The following SEMA5A variants were observed in gnomAD, a reference collection of about 807,000 sequenced individuals.
The protein encoded by SEMA5A is semaphorin 5A, also known as semaphorin-5A.
In SEMA5A, 55 loss-of-function variants were observed where a neutral mutation model predicts 135.5. The observed-to-expected ratio is 0.41, with a 90% confidence interval of 0.33 to 0.51. The LOEUF (loss-of-function observed/expected upper bound fraction) is 0.51, where lower values mean the gene tolerates loss of function less well. SEMA5A is among the 20% of genes least tolerant of loss of function. The probability of loss-of-function intolerance (pLI) is 0.37; values close to 1 mark genes in which losing one functional copy is unlikely to be tolerated. For missense variants in SEMA5A, 1,290 were observed against 1,419.9 expected, an observed-to-expected ratio of 0.91 and a Z score of 1.47; for synonymous variants, 580 against 546.5, an observed-to-expected ratio of 1.06 and a Z score of -0.85.
At chr5:9,184,408 GTA>G (rs1202141769) in intron 11 of SEMA5A, among the ~76,000 whole-genome samples, 4 of 152,024 alleles carry the variant, frequency 2.6e-5, no homozygotes, top group Non-Finnish European at 5.9e-5. Context: ...TTATTGCAGG[GTA>G]ATTTTCTCCA....
chr5:9,315,210 T>A (rs1235709425), intron 5 of SEMA5A, among the ~76,000 whole-genome samples: 10 of 152,180 alleles, frequency 6.6e-5, no homozygotes, highest in African/African-American at 2.2e-4. Flanking sequence ...CTGTTAACAC[T>A]GTATCATATT....
intron 21 of SEMA5A, among the ~76,000 whole-genome samples, chr5:9,046,745 C>T (rs565461198): frequency 6.6e-6 from 1 of 152,294 alleles, no homozygotes; most frequent in East Asian, 1.9e-4. Flanking sequence ...ACAATGTGTT[C>T]CAGGAACCCA....
At chr5:9,487,749 A>G (rs1734804411) in intron 1 of SEMA5A, among the ~76,000 whole-genome samples, 1 of 152,124 alleles carries the variant, frequency 6.6e-6, no homozygotes, top group Non-Finnish European at 1.5e-5. Context: ...TCTTGTCCAT[A>G]TGGTTGCCAC....
intron 1 of SEMA5A, among the ~76,000 whole-genome samples, chr5:9,475,506 T>C (rs1759637832): frequency 6.6e-6 from 1 of 152,228 alleles, no homozygotes; most frequent in South Asian, 2.1e-4. Flanking sequence ...GAATGTTTAA[T>C]GAAAAGGCAG....
chr5:9,125,334 T>C (rs1446913291), intron 13 of SEMA5A, among the ~76,000 whole-genome samples: 1 of 152,228 alleles, frequency 6.6e-6, no homozygotes, highest in Non-Finnish European at 1.5e-5. Flanking sequence ...TCTTTTCTTT[T>C]TGTAAATTTT....
chr5:9,338,656 T>C (rs936461274), intron 3 of SEMA5A, among the ~76,000 whole-genome samples: 5 of 152,154 alleles, frequency 3.3e-5, no homozygotes, highest in African/African-American at 1.2e-4. Context: ...CTGATTGTCG[T>C]TTTTTCTTGG....
intron 16 of SEMA5A, among the ~76,000 whole-genome samples, chr5:9,099,855 A>G (rs921430355): frequency 1.3e-5 from 2 of 152,050 alleles, no homozygotes; most frequent in Non-Finnish European, 2.9e-5. Flanking sequence ...CTCCTCCCTG[A>G]CCTAGCTACT....
At chr5:9,091,576 G>T (rs964932680) in intron 16 of SEMA5A, among the ~76,000 whole-genome samples, 1 of 152,166 alleles carries the variant, frequency 6.6e-6, no homozygotes, top group South Asian at 2.1e-4. Context: ...ATCACAATGG[G>T]TCGGAATTAT....
chr5:9,304,283 A>G (rs1454385707), intron 5 of SEMA5A, among the ~76,000 whole-genome samples: 1 of 152,100 alleles, frequency 6.6e-6, no homozygotes, highest in African/African-American at 2.4e-5. Flanking sequence ...ATTTGTGTAA[A>G]AAAATCTACT....
chr5:9,403,771 A>G (rs972307732), intron 2 of SEMA5A, among the ~76,000 whole-genome samples: 5 of 152,172 alleles, frequency 3.3e-5, no homozygotes, highest in African/African-American at 1.2e-4. Flanking sequence ...TTAAAATAGG[A>G]GGGAACGAGA....
In SEMA5A at chr5:9,188,009, T is replaced by C. The variant is rs571026268; in HGVS notation, c.1273+2258A>G. ...TGGTAAAAGAAGTTGCTTGTAGCTA[T>C]GGACTGAATGTTTGTGTCCCCCCAG... is the stretch of plus-strand genomic sequence containing the variant. On this transcript the variant is annotated intron_variant, in intron 11 of 22. Transcript: ENST00000382496. Among the ~76,000 whole-genome samples the C allele has an allele frequency of 2.0e-5, 3 of 152,336 alleles. No homozygotes were observed. The South Asian group carries it at 6.2e-4, about 32-fold the overall frequency.
intron 13 of SEMA5A, among the ~76,000 whole-genome samples, chr5:9,136,274 G>C (rs1560950679): frequency 6.6e-6 from 1 of 152,124 alleles, no homozygotes; most frequent in Non-Finnish European, 1.5e-5. Flanking sequence ...AATCAACACA[G>C]TTTTCTGTGA....
rs1430624406 is a variant in SEMA5A, at chr5:9,229,783, CA to C, written c.334-2817del. On this transcript the variant is annotated intron_variant, in intron 6 of 22. Transcript: ENST00000382496. ...CAAGGTAAACCACAAACAACATGGG[CA>C]AGGGTAATTTGTTCCAGGAGAATCA... 2.7e-5 allele frequency among the ~76,000 whole-genome samples: 4 copies of C among 149,200 alleles called. No individual in the cohort carries two copies. In the East Asian group the frequency reaches 7.9e-4, roughly 30 times the overall value.
intron 5 of SEMA5A, among the ~76,000 whole-genome samples, chr5:9,269,768 G>A (rs1253690357): frequency 2.0e-5 from 3 of 152,058 alleles, no homozygotes; most frequent in East Asian, 1.9e-4. Context: ...TACATAGTAT[G>A]AAATGTAATA....
At chr5:9,064,441 C>T (rs79014897) in intron 17 of SEMA5A, among the ~76,000 whole-genome samples, 2 of 152,160 alleles carry the variant, frequency 1.3e-5, no homozygotes, top group Non-Finnish European at 2.9e-5. Context: ...GGCACATATA[C>T]ACCATGGAAT....
intron 2 of SEMA5A, among the ~76,000 whole-genome samples, chr5:9,406,786 C>T (rs140029219): frequency 6.4e-4 from 98 of 152,160 alleles, no homozygotes; most frequent in African/African-American, 2.0e-3. Flanking sequence ...AGAGAATGTA[C>T]GGAAATGATA....
At chr5:9,447,389 T>C (rs268525) in intron 1 of SEMA5A, among the ~76,000 whole-genome samples, 144,929 of 152,318 alleles carry the variant, frequency 0.95, 69,081 homozygotes, top group African/African-American at 0.99. Context: ...CTAGTGAATG[T>C]TCTGGAGTCA....
chr5:9,195,140 C>T (rs1745318278), intron 10 of SEMA5A, among the ~76,000 whole-genome samples: 1 of 152,170 alleles, frequency 6.6e-6, no homozygotes, highest in Admixed American at 6.5e-5. Context: ...ATTTACACAA[C>T]ATTTGATATG....
intron 18 of SEMA5A, among the ~76,000 whole-genome samples, chr5:9,055,343 T>C (rs79109580): frequency 7.2e-4 from 109 of 152,328 alleles, no homozygotes; most frequent in Middle Eastern, 3.4e-3. Flanking sequence ...AAGCACAAAT[T>C]GTAACCACAG....
Sources: gnomAD v4.1 joint callset for allele counts (sites outside exome capture counted in the v4.1 genomes callset) on GRCh38, gnomAD v4.1.1 for gene constraint, MANE v1.5 for transcripts, NCBI Gene and HGNC (gene_info 2026-07-23, HGNC 2026-07-21) for gene names.